MED12L: variants seen among roughly 807,000 people sequenced by gnomAD.
MED12L encodes mediator of RNA polymerase II transcription subunit 12-like protein.
MED12L carries 60 observed loss-of-function variants against 281.3 expected under a neutral mutation model. That is an observed-to-expected ratio of 0.21 (90% CI 0.17 to 0.26). The LOEUF (loss-of-function observed/expected upper bound fraction) is 0.26. MED12L is among the 10% of genes least tolerant of loss of function. MED12L has a pLI of 1.00. For missense variants in MED12L, 2,146 were observed against 2,680.9 expected (o/e 0.80, Z 4.41); for synonymous variants, 974 against 987.2 (o/e 0.99, Z 0.25).
chr3:151,275,651 A>C (rs1370567478), intron 16 of MED12L, among the ~76,000 whole-genome samples: 1 of 152,212 alleles, frequency 6.6e-6, no homozygotes, highest in Admixed American at 6.5e-5. Context: ...TTCATTAATT[A>C]CTAGATTTAT....
intron 16 of MED12L, chr3:151,269,463 A>C (rs933350332): frequency 4.0e-6 from 1 of 250,618 alleles, no homozygotes; most frequent in Admixed American, 5.1e-5. Flanking sequence ...CTTAATGAAC[A>C]AGCCAGTGGG....
chr3:151,385,290 C>T, intron 36 of MED12L, 99 bp downstream of exon 36: 6 of 687,642 alleles, frequency 8.7e-6, no homozygotes, highest in Non-Finnish European at 1.4e-5. Flanking sequence ...ATTAATTTTG[C>T]TGTTGATGTT....
rs112770414 is a variant in MED12L at position 151,215,393 on chromosome 3, C to A, written c.2250+21727C>A. Among the ~76,000 whole-genome samples, 960 of 152,248 alleles carry A rather than the reference C, an allele frequency of 6.3e-3. 10 individuals are homozygous for A. The highest frequency in any genetic ancestry group is 0.022 in the African/African-American group (922 of 41,548). On this transcript the variant is annotated intron_variant, in intron 16 of 44. Coordinates refer to ENST00000687756, the MANE Select transcript of MED12L (RefSeq NM_001393769.1). ...GTAAAATATCTCAGTATTTTTAATACTGATCACATGTTGAAGTAATATTCT... is the reference window on the plus strand; with the variant it reads ...GTAAAATATCTCAGTATTTTTAATAATGATCACATGTTGAAGTAATATTCT...
At chr3:151,257,569 G>T (rs1372260695) in intron 16 of MED12L, among the ~76,000 whole-genome samples, 1 of 152,194 alleles carries the variant, frequency 6.6e-6, no homozygotes, top group Non-Finnish European at 1.5e-5. Flanking sequence ...GAGGAATATT[G>T]TTCTGTATGC....
At chr3:151,309,392 G>A (rs1488439441) in intron 16 of MED12L, among the ~76,000 whole-genome samples, 1 of 151,988 alleles carries the variant, frequency 6.6e-6, no homozygotes, top group Non-Finnish European at 1.5e-5. Flanking sequence ...TTTTCTTGAT[G>A]TCCTCTTCTG....
chr3:151,394,592 A>G, intron 38 of MED12L, 64 bp from the exon 39 acceptor site: 2 of 1,593,482 alleles, frequency 1.3e-6, no homozygotes, highest in South Asian at 2.3e-5. Flanking sequence ...CTGTGTTTTG[A>G]TACATAAAAA....
intron 16 of MED12L, among the ~76,000 whole-genome samples, chr3:151,263,042 G>C (rs1216400909): frequency 1.3e-5 from 2 of 152,134 alleles, no homozygotes; most frequent in Non-Finnish European, 2.9e-5. Context: ...ATGAATGACT[G>C]TCGCGTGGGG....
At chr3:151,257,796 A>G (rs1376712674) in intron 16 of MED12L, among the ~76,000 whole-genome samples, 1 of 152,138 alleles carries the variant, frequency 6.6e-6, no homozygotes, top group Non-Finnish European at 1.5e-5. Context: ...ATTTTAGACC[A>G]CCTTTTGTTC....
At chr3:151,216,602 C>G (rs1332476154) in intron 16 of MED12L, among the ~76,000 whole-genome samples, 1 of 152,150 alleles carries the variant, frequency 6.6e-6, no homozygotes, top group Non-Finnish European at 1.5e-5. Flanking sequence ...TATGGACTTC[C>G]TATAGAAGGA....
chr3:151,362,759 T>G (rs1754772727), intron 21 of MED12L, among the ~76,000 whole-genome samples: 1 of 152,226 alleles, frequency 6.6e-6, no homozygotes, highest in South Asian at 2.1e-4. Context: ...AGACAATTCA[T>G]GTTTTTAATG....
At chr3:151,232,917 A>T (rs530959458) in intron 16 of MED12L, among the ~76,000 whole-genome samples, 84 of 152,320 alleles carry the variant, frequency 5.5e-4, no homozygotes, top group African/African-American at 1.9e-3. Context: ...GTACCCTTGA[A>T]ACTAAATTTT....
chr3:151,117,971 A>G (rs1200385655), intron 3 of MED12L, among the ~76,000 whole-genome samples: 3 of 151,532 alleles, frequency 2.0e-5, no homozygotes, highest in African/African-American at 7.3e-5. Flanking sequence ...GGCGCCTGTA[A>G]TCCCAGCTAC....
chr3:151,313,858 A>G (rs1437641545), intron 16 of MED12L, among the ~76,000 whole-genome samples: 34 of 151,674 alleles, frequency 2.2e-4, no homozygotes, highest in Admixed American at 2.2e-3. Flanking sequence ...CAGGAGGCAG[A>G]GGTTGCAGTG....
At chr3:151,342,823 C>G (rs908059456) in intron 16 of MED12L, among the ~76,000 whole-genome samples, 2 of 152,138 alleles carry the variant, frequency 1.3e-5, no homozygotes, top group African/African-American at 2.4e-5. Flanking sequence ...AGCTTTTATG[C>G]TGTATGTACT....
At chr3:151,097,230 C>T (rs1001686662) in intron 2 of MED12L, among the ~76,000 whole-genome samples, 2 of 152,104 alleles carry the variant, frequency 1.3e-5, no homozygotes, top group African/African-American at 2.4e-5. Flanking sequence ...GCCCAGTTCC[C>T]GGAAGCGATA....
At chr3:151,217,120 T>C (rs1446535588) in intron 16 of MED12L, among the ~76,000 whole-genome samples, 1 of 152,240 alleles carries the variant, frequency 6.6e-6, no homozygotes, top group East Asian at 1.9e-4. Flanking sequence ...TATAGTTATA[T>C]GGTGAAATAT....
chr3:151,188,423 T>C lies in MED12L; in HGVS notation c.1696T>C (p.Leu566=). Reference sequence around the variant, plus strand: ...TTCATCCTCTCTTGCTGGATCCAGTTTGCCTGTTTTCCAGAATGTGCTGTT... The same window carrying C: ...TTCATCCTCTCTTGCTGGATCCAGTCTGCCTGTTTTCCAGAATGTGCTGTT... The part of the protein sequence containing the change: ...ISSSSLAGSS[L]PVFQNVLLRF... The change falls in exon 13 of 45, where the codon TTG becomes CTG. Residue 566 remains leucine (L), a synonymous_variant. Transcript: ENST00000687756. The C allele has an allele frequency of 6.2e-7, 1 of 1,612,918 alleles. No individual in the cohort carries two copies. The highest frequency in any genetic ancestry group is 1.7e-5 in the Admixed American group (1 of 60,028).
chr3:151,202,390 G>T (rs973669016), intron 16 of MED12L, among the ~76,000 whole-genome samples: 2 of 152,200 alleles, frequency 1.3e-5, no homozygotes, highest in African/African-American at 4.8e-5. Flanking sequence ...AAATAAACTG[G>T]CTGGGCACAG....
chr3:151,374,230 GATTA>G (rs892992368), intron 27 of MED12L, among the ~76,000 whole-genome samples: 15 of 151,298 alleles, frequency 9.9e-5, no homozygotes, highest in African/African-American at 3.4e-4. Flanking sequence ...GTCAAAAAAT[GATTA>G]ATTAAAATAC....
Sources: allele counts gnomAD v4.1 joint callset (sites outside exome capture counted in the v4.1 genomes callset), GRCh38; gene constraint gnomAD v4.1.1; transcripts MANE v1.5; gene names NCBI Gene and HGNC (gene_info 2026-07-23, HGNC 2026-07-21).